OSBPL9: variants seen among roughly 807,000 people sequenced by gnomAD.
OSBPL9 encodes oxysterol-binding protein-related protein 9.
In OSBPL9, 40 loss-of-function variants were observed where a neutral mutation model predicts 106.6. That is an observed-to-expected ratio of 0.38 (90% confidence interval 0.29 to 0.49). The LOEUF is 0.49. Ranked by LOEUF, OSBPL9 falls within the 20% of genes least tolerant of loss-of-function variation. The pLI is 0.97. For missense variants in OSBPL9, 609 were observed against 887.2 expected, an observed-to-expected ratio of 0.69 and a Z score of 3.98; for synonymous variants, 269 against 295.4, an observed-to-expected ratio of 0.91 and a Z score of 0.92.
intron 1 of OSBPL9, among the ~76,000 whole-genome samples, chr1:51,592,758 CAGAGCATTTCCTAA>C (rs1164316677): frequency 6.6e-6 from 1 of 152,126 alleles, no homozygotes; most frequent in Non-Finnish European, 1.5e-5. Flanking sequence ...TTCCTGATTC[CAGAGCATTTCCTAA>C]ATATTTATTG....
At chr1:51,599,864 A>G (rs1645318822) in intron 2 of OSBPL9, among the ~76,000 whole-genome samples, 2 of 152,206 alleles carry the variant, frequency 1.3e-5, no homozygotes, top group South Asian at 2.1e-4. Flanking sequence ...TGGGACGTCC[A>G]AGATCAAGGT....
intron 11 of OSBPL9, among the ~76,000 whole-genome samples, chr1:51,763,225 C>T (rs1201377518): frequency 1.3e-5 from 2 of 152,042 alleles, no homozygotes; most frequent in South Asian, 2.1e-4. Flanking sequence ...AGGCTGGTCT[C>T]GAGCTTCTGA....
At chr1:51,579,340 A>G (rs1312183368) in intron 1 of OSBPL9, among the ~76,000 whole-genome samples, 1 of 152,200 alleles carries the variant, frequency 6.6e-6, no homozygotes, top group Non-Finnish European at 1.5e-5. Context: ...GTATACAAAG[A>G]TATACATAGG....
At chr1:51,787,541 GTGAA>G in intron 23 of OSBPL9, 53 bp downstream of exon 23, 3 of 1,609,850 alleles carry the variant, frequency 1.9e-6, no homozygotes, top group Non-Finnish European at 2.5e-6. Context: ...ATTTATTTCA[GTGAA>G]TGTTGAAGAA....
chr1:51,618,719 C>T (rs1027167960), intron 1 of OSBPL9, among the ~76,000 whole-genome samples: 4 of 152,178 alleles, frequency 2.6e-5, no homozygotes, highest in African/African-American at 9.7e-5. Flanking sequence ...CATTTCACTC[C>T]TAATAACTCT....
intron 1 of OSBPL9, among the ~76,000 whole-genome samples, chr1:51,595,058 G>A (rs958227305): frequency 6.6e-6 from 1 of 152,154 alleles, no homozygotes; most frequent in Non-Finnish European, 1.5e-5. Context: ...ACCCAGGGGC[G>A]GGGGCTGAGA....
chr1:51,751,739 G>A (rs1309613660), intron 8 of OSBPL9, among the ~76,000 whole-genome samples: 3 of 152,186 alleles, frequency 2.0e-5, no homozygotes, highest in Admixed American at 2.0e-4. Flanking sequence ...CAGTTTGGGT[G>A]ATCTCTGAAA....
intron 3 of OSBPL9, among the ~76,000 whole-genome samples, chr1:51,699,112 G>A (rs1023676585): frequency 6.6e-6 from 1 of 152,058 alleles, no homozygotes; most frequent in Non-Finnish European, 1.5e-5. Flanking sequence ...TCATTTTTTT[G>A]AGACTATCAT....
At chr1:51,733,153 CTT>C (rs1282313607) in intron 4 of OSBPL9, among the ~76,000 whole-genome samples, 8 of 152,190 alleles carry the variant, frequency 5.3e-5, no homozygotes, top group Non-Finnish European at 7.3e-5. Context: ...ATATCACAGC[CTT>C]CACTAAGTTG....
At chr1:51,596,974 A>G (rs373262299) in intron 1 of OSBPL9, among the ~76,000 whole-genome samples, 1 of 152,132 alleles carries the variant, frequency 6.6e-6, no homozygotes, top group South Asian at 2.1e-4. Flanking sequence ...AGAGATGGAG[A>G]AAGCTTTCAT....
At chr1:51,617,036 GC>G, upstream of OSBPL9, 2 of 1,388,374 alleles carry the variant, frequency 1.4e-6, no homozygotes, top group Non-Finnish European at 2.0e-6. Context: ...GCCCCCTGCG[GC>G]CCCGCCCCCC....
chr1:51,608,825 G>A (rs1276188241), intron 2 of OSBPL9, among the ~76,000 whole-genome samples: 2 of 151,656 alleles, frequency 1.3e-5, no homozygotes, highest in Non-Finnish European at 2.9e-5. Flanking sequence ...CACCTCCTGT[G>A]TTCCTAGACA....
chr1:51,561,801 A>C, the OSBPL9 span: 1 of 152,210 alleles, frequency 6.6e-6, no homozygotes, highest in Non-Finnish European at 1.5e-5. Flanking sequence ...AGACTTATTC[A>C]AGTCTTGTGA....
At chr1:51,606,930 G>A (rs540566333) in intron 2 of OSBPL9, among the ~76,000 whole-genome samples, 1 of 151,900 alleles carries the variant, frequency 6.6e-6, no homozygotes, top group East Asian at 2.0e-4. Context: ...GGCGCCTGTA[G>A]TCCCAGCTAC....
intron 1 of OSBPL9, among the ~76,000 whole-genome samples, chr1:51,636,106 G>GTA (rs1248379714): frequency 1.4e-5 from 2 of 141,252 alleles, no homozygotes; most frequent in African/African-American, 2.6e-5. Flanking sequence ...GTGTGTGTGT[G>GTA]TATCCTTTCT....
intron 3 of OSBPL9, among the ~76,000 whole-genome samples, chr1:51,681,720 C>A (rs937606168): frequency 1.3e-5 from 2 of 152,044 alleles, no homozygotes; most frequent in Non-Finnish European, 2.9e-5. Flanking sequence ...TTCCAGGACC[C>A]CCACTCCCCA....
chr1:51,585,909 G>A (rs772591892), intron 1 of OSBPL9, among the ~76,000 whole-genome samples: 6 of 151,370 alleles, frequency 4.0e-5, no homozygotes, highest in South Asian at 2.1e-4. Context: ...GCGGTGACTC[G>A]CACTTGTAAT....
rs1678198245 is a variant in OSBPL9, at chr1:51,788,325, GAAATTTC to G, written c.*538_*544del. 1 of 152,538 alleles carries G rather than the reference GAAATTTC, an allele frequency of 6.6e-6. No individual in the cohort carries two copies. The highest frequency in any genetic ancestry group is 1.5e-5 in the Non-Finnish European group (1 of 68,104). 9.4% of individuals were successfully genotyped at this position (152,538 alleles called of 1,614,324 possible). A position where few individuals can be genotyped will look rare whatever the true frequency, so the allele number is the denominator to read the frequency against. The stretch of plus-strand genomic sequence containing the variant: ...GCAATGTATTAAAATCAAGTGTTAG[GAAATTTC>G]ATGGTCTTACCTACAATAACTTTTA... On this transcript the variant is annotated 3_prime_UTR_variant, in exon 24 of 24. Transcript: ENST00000428468.
chr1:51,767,714 A>C (rs186558802), intron 12 of OSBPL9, among the ~76,000 whole-genome samples: 5 of 152,302 alleles, frequency 3.3e-5, no homozygotes, highest in Admixed American at 3.3e-4. Flanking sequence ...GGCTTAGTTT[A>C]GCATATTGGT....
Sources: gnomAD v4.1 joint callset for allele counts (sites outside exome capture counted in the v4.1 genomes callset) on GRCh38, gnomAD v4.1.1 for gene constraint, MANE v1.5 for transcripts, NCBI Gene and HGNC (gene_info 2026-07-23, HGNC 2026-07-21) for gene names.